Variants in SEC14L6 observed in about 807,000 individuals in gnomAD.
The protein encoded by SEC14L6 is SEC14-like protein 6.
In SEC14L6, 40 loss-of-function variants were observed where a neutral mutation model predicts 54.1. The ratio of observed to expected loss-of-function variants is 0.74; its 90% CI spans 0.57 to 0.96. The LOEUF (loss-of-function observed/expected upper bound fraction) is 0.96, where lower values mean the gene tolerates loss of function less well. Among genes scored for constraint, SEC14L6 ranks in the 40% least tolerant of loss-of-function variants. The pLI is 0.00. For missense variants in SEC14L6, 471 were observed against 498.3 expected, an observed-to-expected ratio of 0.95 and a Z score of 0.52; for synonymous variants, 171 against 198.4, an observed-to-expected ratio of 0.86 and a Z score of 1.16.
At position 30,524,470 on chromosome 22, in the gene SEC14L6, A is replaced by C. The variant is rs1431501801; in HGVS notation, c.*527T>G. 1 of 152,432 alleles carries C rather than the reference A, an allele frequency of 6.6e-6. No individual in the cohort carries two copies. Among genetic ancestry groups the C allele is most frequent in the Non-Finnish European group, 1.5e-5 (1 of 68,332 alleles). 9.4% of individuals were successfully genotyped at this position (152,432 alleles called of 1,614,324 possible). A position where few individuals can be genotyped will look rare whatever the true frequency, so the allele number is the denominator to read the frequency against. ...GGCTCACTGCAACCTCTGCCTACCA[A>C]GTTCAGGCGACTCTCCTGCCTCAGC... On this transcript the variant is annotated 3_prime_UTR_variant, in exon 12 of 12. Transcript: ENST00000402034.
chr22:30,534,979 GAGCCTAGGGGTTCGAGACC>G (rs1490494587), intron 2 of SEC14L6, among the ~76,000 whole-genome samples: 6 of 151,630 alleles, frequency 4.0e-5, no homozygotes, highest in African/African-American at 1.2e-4. Context: ...GACATTGCTT[GAGCCTAGGGGTTCGAGACC>G]AGCCTAGGCA....
At position 30,525,625 on chromosome 22, in the gene SEC14L6, C is replaced by T. The variant is rs749523382; in HGVS notation, c.897G>A (p.Pro299=). 52 of 1,608,508 alleles carry T rather than the reference C, an allele frequency of 3.2e-5. No homozygotes were observed. Among genetic ancestry groups the T allele is most frequent in the South Asian group, 5.5e-5 (5 of 90,568 alleles). Residue 299 remains proline (P), a synonymous_variant, in exon 10 of 12, where the codon CCG becomes CCA. Transcript: ENST00000402034. The part of the protein sequence containing the change: ...SLQVENEILF[P]GCVLRWQFAS... ...GCCATCCCTACCTGAGCACACAGCC[C>T]GGGAACAGGATCTCGTTCTCCACCT...
rs764919785 is a variant in SEC14L6 at position 30,525,661 on chromosome 22, G to A, written c.861C>T (p.Gly287=). The A allele has an allele frequency of 6.2e-7, 1 of 1,611,590 alleles. No homozygotes were observed. The highest frequency in any genetic ancestry group is 8.5e-7 in the Non-Finnish European group (1 of 1,179,046). Residue 287 remains glycine, a synonymous_variant, in exon 10 of 12, where the codon GGC becomes GGT. Transcript: ENST00000402034. ...TCTCGTTCTCCACCTGCAGGGAGGA[G>A]CCGCGGCCCACGGACCTCGTGTGCT... ...QYEHTRSVGR[G]SSLQVENEIL...
In SEC14L6 at chr22:30,532,761, C is replaced by T. The variant is rs778183175; in HGVS notation, c.234+36G>A. On this transcript the variant is annotated intron_variant, in intron 4 of 11. Transcript: ENST00000402034. Reference sequence around the variant, plus strand: ...GGGGTTCAGTGCCGAGGGCTGAGGGCCCAGGGATCAGGGTATGGGTTTGAG... The same window carrying T: ...GGGGTTCAGTGCCGAGGGCTGAGGGTCCAGGGATCAGGGTATGGGTTTGAG... The T allele has an allele frequency of 3.1e-6, 5 of 1,605,476 alleles. No homozygotes were observed. In the African/African-American group the frequency reaches 6.7e-5, roughly 21 times the overall value.
intron 1 of SEC14L6, among the ~76,000 whole-genome samples, chr22:30,544,723 G>A (rs559698379): frequency 9.0e-4 from 137 of 152,154 alleles, no homozygotes; most frequent in Middle Eastern, 6.8e-3. Flanking sequence ...GTCCCTCCAA[G>A]ACTCCCTGGG....
intron 1 of SEC14L6, chr22:30,543,831 C>T: frequency 3.3e-6 from 5 of 1,507,446 alleles, no homozygotes; most frequent in Non-Finnish European, 4.6e-6. Context: ...GAAAAATAAC[C>T]CAGGACACAA....
chr22:30,543,030 G>C, intron 1 of SEC14L6: 1 of 1,600,600 alleles, frequency 6.2e-7, no homozygotes, highest in Non-Finnish European at 8.6e-7. Flanking sequence ...CCGTGGTATC[G>C]GGCCCCGCAG....
chr22:30,539,102 C>G (rs759132769), intron 1 of SEC14L6, among the ~76,000 whole-genome samples, 200 bp from the exon 2 acceptor site: 2 of 152,118 alleles, frequency 1.3e-5, no homozygotes, highest in East Asian at 3.9e-4. Flanking sequence ...ACAGGCCAGG[C>G]GCGGTGGCTC....
At chr22:30,525,135 C>T (rs1466557192) in intron 11 of SEC14L6, 26 bp from the exon 12 acceptor site, 8 of 1,382,196 alleles carry the variant, frequency 5.8e-6, no homozygotes, top group Non-Finnish European at 8.1e-6. Flanking sequence ...GACATTCAGA[C>T]AAGATGCCCC....
intron 1 of SEC14L6, chr22:30,543,498 C>A: frequency 6.2e-7 from 1 of 1,612,896 alleles, no homozygotes; most frequent in South Asian, 1.1e-5. Flanking sequence ...ATGGCACCTA[C>A]AACTGGATGA....
intron 5 of SEC14L6, 115 bp from the exon 6 acceptor site, chr22:30,532,113 C>G: frequency 6.9e-7 from 1 of 1,453,484 alleles, no homozygotes; most frequent in African/African-American, 1.5e-5. Flanking sequence ...CTCTGCATGG[C>G]ACAGAGATGG....
chr22:30,536,820 T>G, intron 2 of SEC14L6, among the ~76,000 whole-genome samples: 1 of 151,370 alleles, frequency 6.6e-6, no homozygotes, highest in South Asian at 2.1e-4. Context: ...AGGTCAGGAG[T>G]TCGAGACCAG....
chr22:30,541,689 CTGGG>C (rs1015801520), intron 1 of SEC14L6, among the ~76,000 whole-genome samples: 4 of 151,944 alleles, frequency 2.6e-5, no homozygotes, highest in African/African-American at 9.7e-5. Context: ...TAAAAATTAG[CTGGG>C]TGTGGTGTGC....
rs567661196 is a variant in SEC14L6, at chr22:30,525,666, G to A, written c.856C>T (p.Arg286Cys). 186 of 1,612,196 alleles carry A rather than the reference G, an allele frequency of 1.2e-4. No individual in the cohort carries two copies. The highest frequency in any genetic ancestry group is 1.4e-4 in the Non-Finnish European group (165 of 1,179,360). ...TTCTCCACCTGCAGGGAGGAGCCGCGGCCCACGGACCTCGTGTGCTCATAC... is the reference window on the plus strand; with the variant it reads ...TTCTCCACCTGCAGGGAGGAGCCGCAGCCCACGGACCTCGTGTGCTCATAC... ...LQYEHTRSVGRGSSLQVENEI... is the reference protein window; with the variant it reads ...LQYEHTRSVGCGSSLQVENEI... The change falls in exon 10 of 12, where the codon CGC (arginine) becomes TGC (cysteine). Residue 286 changes from arginine (R) to cysteine (C), a missense_variant. By Grantham distance (180) the Arg-to-Cys change is radical. Coordinates refer to ENST00000402034, the MANE Select transcript of SEC14L6 (RefSeq NM_001193336.4).
At chr22:30,532,352 C>CTTGGGTGGGTCCTTGG (rs1937006241) in intron 5 of SEC14L6, 173 bp downstream of exon 5, 1 of 942,254 alleles carries the variant, frequency 1.1e-6, no homozygotes, top group African/African-American at 1.8e-5. Flanking sequence ...CCAGTTCAGC[C>CTTGGGTGGGTCCTTGG]ACATACTGTG....
At chr22:30,545,568 T>C (rs2085790047) in intron 1 of SEC14L6, among the ~76,000 whole-genome samples, 1 of 151,784 alleles carries the variant, frequency 6.6e-6, no homozygotes, top group African/African-American at 2.4e-5. Context: ...CTATTTGTTG[T>C]TGTTGTTGTT....
chr22:30,541,880 A>C (rs956023852), intron 1 of SEC14L6, among the ~76,000 whole-genome samples: 3 of 152,224 alleles, frequency 2.0e-5, no homozygotes, highest in African/African-American at 7.2e-5. Flanking sequence ...TGGACAAAAA[A>C]CAAATTATCT....
chr22:30,533,208 C>T, intron 3 of SEC14L6: 1 of 954,956 alleles, frequency 1.0e-6, no homozygotes, highest in Non-Finnish European at 1.2e-6. Context: ...CCTATACCCC[C>T]CTACAAGGCC....
intron 8 of SEC14L6, among the ~76,000 whole-genome samples, chr22:30,528,115 A>ATTTTTTTTTTTTTTTTTTTTTT (rs1327201575): frequency 7.4e-6 from 1 of 134,436 alleles, no homozygotes; most frequent in African/African-American, 2.9e-5. Context: ...GAAAACCTAG[A>ATTTTTTTTTTTTTTTTTTTTTT]TTTCTTTTTT....
Sources: allele counts gnomAD v4.1 joint callset (sites outside exome capture counted in the v4.1 genomes callset), GRCh38; gene constraint gnomAD v4.1.1; transcripts MANE v1.5; gene names NCBI Gene and HGNC (gene_info 2026-07-23, HGNC 2026-07-21).